PRSS23: variants seen among roughly 807,000 people sequenced by gnomAD.
The protein encoded by PRSS23 is protease, serine 23.
In PRSS23, 25 loss-of-function variants were observed where a neutral mutation model predicts 34.7. The ratio of observed to expected loss-of-function variants is 0.72; its 90% CI spans 0.53 to 1.01. The LOEUF is 1.01. PRSS23 is among the 50% of genes least tolerant of loss of function. The pLI is 0.00. For missense variants in PRSS23, 445 were observed against 475.6 expected, an observed-to-expected ratio of 0.94 and a Z score of 0.60; for synonymous variants, 176 against 186.6, an observed-to-expected ratio of 0.94 and a Z score of 0.46.
chr11:86,889,938 C>T (rs1258679708), intron 2 of PRSS23, among the ~76,000 whole-genome samples: 2 of 152,138 alleles, frequency 1.3e-5, no homozygotes, highest in African/African-American at 4.8e-5. Context: ...TTTAACTGAT[C>T]TGGTGTGGGA....
intron 1 of PRSS23, 132 bp downstream of exon 1, chr11:86,800,783 C>T (rs909819881): frequency 1.6e-5 from 6 of 371,696 alleles, no homozygotes; most frequent in Non-Finnish European, 2.2e-5. Context: ...CAGGACTTCG[C>T]CAGGGCAGTC....
At chr11:86,824,664 G>A (rs373719920) in intron 2 of PRSS23, among the ~76,000 whole-genome samples, 1 of 123,402 alleles carries the variant, frequency 8.1e-6, no homozygotes, top group Non-Finnish European at 1.6e-5. Context: ...AGAGTGTGAT[G>A]TTCCCCTTCC....
chr11:86,873,594 A>G (rs761125853), intron 2 of PRSS23, among the ~76,000 whole-genome samples: 2 of 152,070 alleles, frequency 1.3e-5, no homozygotes, highest in Non-Finnish European at 2.9e-5. Context: ...ATATTCTTAA[A>G]GATTGTACCC....
chr11:86,907,723 A>G (rs1342247509), intron 2 of PRSS23, among the ~76,000 whole-genome samples: 3 of 152,126 alleles, frequency 2.0e-5, no homozygotes, highest in Non-Finnish European at 2.9e-5. Flanking sequence ...ACCTCCCAAA[A>G]TGCTGGGATT....
intron 2 of PRSS23, among the ~76,000 whole-genome samples, chr11:86,913,964 G>A (rs574118660): frequency 4.7e-5 from 7 of 148,410 alleles, no homozygotes; most frequent in Admixed American, 3.3e-4. Flanking sequence ...AAATGTTTTC[G>A]GAGGCTGAGG....
At chr11:86,893,967 G>T (rs1438805945) in intron 2 of PRSS23, among the ~76,000 whole-genome samples, 2 of 152,072 alleles carry the variant, frequency 1.3e-5, no homozygotes, top group Non-Finnish European at 2.9e-5. Context: ...GAGTAAAGGG[G>T]GGAATCAATT....
At chr11:86,951,951 A>C in exon 3 of PRSS23, 1 of 1,613,898 alleles carries the variant, frequency 6.2e-7, no homozygotes, top group Non-Finnish European at 8.5e-7. Context: ...CTGACAATAT[A>C]AGCAATGCTA....
chr11:86,879,192 G>C (rs1391795712), intron 2 of PRSS23, among the ~76,000 whole-genome samples: 1 of 148,422 alleles, frequency 6.7e-6, no homozygotes, highest in Non-Finnish European at 1.5e-5. Context: ...GTCTCTGCCC[G>C]GCGGCCCATC....
chr11:86,808,252 T>G lies in PRSS23; in HGVS notation c.609T>G (p.Gly203=). The G allele has an allele frequency of 6.2e-7, 1 of 1,613,998 alleles. No individual in the cohort carries two copies. The highest frequency in any genetic ancestry group is 8.5e-7 in the Non-Finnish European group (1 of 1,180,008). The change falls in exon 2 of 2, where the codon GGT becomes GGG. Residue 203 remains glycine (G), a synonymous_variant. Transcript: ENST00000280258. ...GFLKPKFKDG[G]RGANDSTSAM... is the part of the protein sequence containing the mutation. Reference sequence around the variant, plus strand: ...TAAAGCCCAAGTTTAAAGATGGTGGTCGAGGGGCCAACGACTCCACTTCAG... The same window carrying G: ...TAAAGCCCAAGTTTAAAGATGGTGGGCGAGGGGCCAACGACTCCACTTCAG...
At chr11:86,815,212 G>A (rs564201020), downstream of PRSS23, among the ~76,000 whole-genome samples, 1 of 152,314 alleles carries the variant, frequency 6.6e-6, no homozygotes, top group South Asian at 2.1e-4. Context: ...GGCCTTCCCT[G>A]GCCATCTTCT....
chr11:86,894,451 T>G (rs1390398804), intron 2 of PRSS23, among the ~76,000 whole-genome samples: 1 of 152,184 alleles, frequency 6.6e-6, no homozygotes, highest in Non-Finnish European at 1.5e-5. Flanking sequence ...CCCAAGAATC[T>G]TTTTGTTGCC....
intron 2 of PRSS23, among the ~76,000 whole-genome samples, chr11:86,866,961 C>A (rs1274690618): frequency 6.6e-6 from 1 of 152,180 alleles, no homozygotes; most frequent in African/African-American, 2.4e-5. Flanking sequence ...AATCATGAGC[C>A]AAGTAAGGCC....
At chr11:86,898,045 T>C (rs1948888099) in intron 2 of PRSS23, among the ~76,000 whole-genome samples, 1 of 152,216 alleles carries the variant, frequency 6.6e-6, no homozygotes, top group Admixed American at 6.5e-5. Flanking sequence ...TCCCCACAGA[T>C]TACTTGAGGA....
intron 2 of PRSS23, among the ~76,000 whole-genome samples, chr11:86,888,048 G>A (rs1442048286): frequency 1.4e-5 from 2 of 146,064 alleles, no homozygotes; most frequent in African/African-American, 5.1e-5. Context: ...GTGAAACTCT[G>A]TCTCAAAAAA....
At chr11:86,913,856 C>G (rs1029874580) in intron 2 of PRSS23, among the ~76,000 whole-genome samples, 2 of 151,172 alleles carry the variant, frequency 1.3e-5, no homozygotes, top group Non-Finnish European at 2.9e-5. Context: ...GATAGGACAA[C>G]AGGGTAGCTA....
At chr11:86,858,196 C>T (rs934163589) in intron 2 of PRSS23, among the ~76,000 whole-genome samples, 2 of 151,690 alleles carry the variant, frequency 1.3e-5, no homozygotes, top group African/African-American at 4.9e-5. Flanking sequence ...GGGTTGTACA[C>T]CTTCCTGTGA....
At chr11:86,839,544 G>C (rs1489357199) in intron 2 of PRSS23, among the ~76,000 whole-genome samples, 1 of 152,088 alleles carries the variant, frequency 6.6e-6, no homozygotes, top group African/African-American at 2.4e-5. Context: ...TATTATCCAG[G>C]AGAACTTCCC....
intron 2 of PRSS23, among the ~76,000 whole-genome samples, chr11:86,944,568 T>C (rs1001882289): frequency 2.0e-5 from 3 of 152,290 alleles, no homozygotes; most frequent in East Asian, 1.9e-4. Context: ...TTCTCCACTC[T>C]AAAGGAAGGT....
intron 2 of PRSS23, among the ~76,000 whole-genome samples, chr11:86,847,123 T>C (rs113851017): frequency 6.6e-4 from 100 of 152,010 alleles, no homozygotes; most frequent in South Asian, 3.1e-3. Context: ...GGGCTTACTC[T>C]TTTGATGGCA....
Sources: allele counts gnomAD v4.1 joint callset (sites outside exome capture counted in the v4.1 genomes callset), GRCh38; gene constraint gnomAD v4.1.1; transcripts MANE v1.5; gene names NCBI Gene and HGNC (gene_info 2026-07-23, HGNC 2026-07-21).